Variants in MAGI2 observed in about 807,000 individuals in gnomAD.
MAGI2 encodes the protein membrane associated guanylate kinase, WW and PDZ domain containing 2, also known as membrane-associated guanylate kinase, WW and PDZ domain-containing protein 2.
MAGI2 carries 35 observed loss-of-function variants against 133.3 expected under a neutral mutation model. The observed-to-expected ratio is 0.26, with a 90% confidence interval of 0.20 to 0.35. The LOEUF is 0.35. Among genes scored for constraint, MAGI2 ranks in the 10% least tolerant of loss-of-function variants. The pLI is 1.00. For synonymous variants in MAGI2, 729 were observed against 710.6 expected (o/e 1.03, Z -0.41); for missense variants, 1,636 against 1,863.4 (o/e 0.88, Z 2.25).
chr7:78,399,840 AC>A (rs1344575614), intron 6 of MAGI2, among the ~76,000 whole-genome samples: 3 of 147,738 alleles, frequency 2.0e-5, no homozygotes, highest in Non-Finnish European at 4.5e-5. Flanking sequence ...CATAACATTT[AC>A]CATGGATAAA....
intron 21 of MAGI2, among the ~76,000 whole-genome samples, chr7:78,077,623 T>G (rs946855217): frequency 6.6e-6 from 1 of 152,008 alleles, no homozygotes; most frequent in African/African-American, 2.4e-5. Context: ...ATATTTCATT[T>G]GAACTCAGGG....
intron 2 of MAGI2, among the ~76,000 whole-genome samples, chr7:78,697,606 C>CA (rs1443320178): frequency 1.3e-5 from 2 of 151,950 alleles, no homozygotes; most frequent in Non-Finnish European, 2.9e-5. Context: ...AATAGCAATA[C>CA]AAAAAAAGAT....
intron 6 of MAGI2, among the ~76,000 whole-genome samples, chr7:78,398,990 A>T (rs1372663398): frequency 6.6e-6 from 1 of 152,152 alleles, no homozygotes; most frequent in African/African-American, 2.4e-5. Context: ...TCATCTCCTG[A>T]TACCAGGCAA....
intron 2 of MAGI2, among the ~76,000 whole-genome samples, chr7:78,713,828 C>T (rs955213283): frequency 3.3e-5 from 5 of 152,072 alleles, no homozygotes; most frequent in Non-Finnish European, 7.4e-5. Context: ...TTTTACCTCA[C>T]GTATTCTCAA....
At chr7:79,413,141 T>C (rs1213319486) in intron 1 of MAGI2, 2 of 152,166 alleles carry the variant, frequency 1.3e-5, no homozygotes, top group East Asian at 1.9e-4. Context: ...TTCATGCTCA[T>C]GCAAAGGATG....
chr7:79,125,997 A>G (rs147778095), intron 1 of MAGI2, among the ~76,000 whole-genome samples: 1 of 152,366 alleles, frequency 6.6e-6, no homozygotes, highest in Non-Finnish European at 1.5e-5. Context: ...TAAGGGCTGT[A>G]TTTGTGGCTA....
chr7:79,145,399 T>C (rs1822524183), intron 1 of MAGI2, among the ~76,000 whole-genome samples: 1 of 152,202 alleles, frequency 6.6e-6, no homozygotes, highest in Non-Finnish European at 1.5e-5. Flanking sequence ...AATAATAGTC[T>C]GTTGATTTGG....
At chr7:78,917,013 G>A (rs1441849345) in intron 2 of MAGI2, among the ~76,000 whole-genome samples, 1 of 152,108 alleles carries the variant, frequency 6.6e-6, no homozygotes, top group Non-Finnish European at 1.5e-5. Flanking sequence ...AGGAGGTAAA[G>A]AGAGATACCC....
At chr7:79,116,672 G>A (rs937824045) in intron 1 of MAGI2, among the ~76,000 whole-genome samples, 1 of 152,076 alleles carries the variant, frequency 6.6e-6, no homozygotes, top group Non-Finnish European at 1.5e-5. Flanking sequence ...TGGTGGGAGG[G>A]TATTGGATCA....
At chr7:78,989,161 A>G (rs928428171) in intron 2 of MAGI2, among the ~76,000 whole-genome samples, 1 of 152,006 alleles carries the variant, frequency 6.6e-6, no homozygotes, top group East Asian at 1.9e-4. Context: ...TGCTAATTAC[A>G]TTGTCTAACA....
At chr7:79,447,375 A>G (rs1848929139) in intron 1 of MAGI2, among the ~76,000 whole-genome samples, 1 of 152,160 alleles carries the variant, frequency 6.6e-6, no homozygotes, top group Non-Finnish European at 1.5e-5. Flanking sequence ...AGTAAGTAAT[A>G]ATAAAGTCAC....
chr7:78,899,724 AGT>A (rs887726271), intron 2 of MAGI2, among the ~76,000 whole-genome samples: 1 of 152,106 alleles, frequency 6.6e-6, no homozygotes, highest in African/African-American at 2.4e-5. Context: ...AGTGGGGCTG[AGT>A]GTATTTTAAA....
At chr7:79,200,420 T>C (rs1020542456) in intron 1 of MAGI2, among the ~76,000 whole-genome samples, 4 of 148,984 alleles carry the variant, frequency 2.7e-5, no homozygotes, top group Non-Finnish European at 5.9e-5. Flanking sequence ...CTGGGCAACA[T>C]GGCGAAACCC....
intron 7 of MAGI2, among the ~76,000 whole-genome samples, chr7:78,365,698 C>A (rs950692585): frequency 6.6e-6 from 1 of 152,124 alleles, no homozygotes; most frequent in Non-Finnish European, 1.5e-5. Flanking sequence ...ATATATTAAA[C>A]CTACAATCTT....
chr7:78,108,004 C>A (rs1436683399), intron 20 of MAGI2, among the ~76,000 whole-genome samples: 1 of 151,204 alleles, frequency 6.6e-6, no homozygotes, highest in African/African-American at 2.4e-5. Flanking sequence ...TATTTCCTTT[C>A]TTCTACTAAT....
chr7:78,866,175 G>A (rs1306285204), intron 2 of MAGI2, among the ~76,000 whole-genome samples: 1 of 152,160 alleles, frequency 6.6e-6, no homozygotes, highest in Non-Finnish European at 1.5e-5. Flanking sequence ...ACTTTTCCCT[G>A]CTTGTGCTAA....
intron 1 of MAGI2, among the ~76,000 whole-genome samples, chr7:79,368,917 G>T (rs1585731843): frequency 7.8e-6 from 1 of 128,578 alleles, no homozygotes; most frequent in Admixed American, 7.8e-5. Flanking sequence ...CCACAAAATA[G>T]AAAGTGCTAC....
intron 2 of MAGI2, among the ~76,000 whole-genome samples, chr7:78,819,538 A>G (rs1210906237): frequency 6.6e-6 from 1 of 152,036 alleles, no homozygotes; most frequent in African/African-American, 2.4e-5. Context: ...CACATTTTTA[A>G]AAATTGAAAC....
chr7:78,580,149 G>C (rs1397918680), intron 3 of MAGI2, among the ~76,000 whole-genome samples: 1 of 152,048 alleles, frequency 6.6e-6, no homozygotes, highest in Non-Finnish European at 1.5e-5. Flanking sequence ...ATGATGAGAT[G>C]CTCCTCAAAA....
Sources: allele counts gnomAD v4.1 joint callset (sites outside exome capture counted in the v4.1 genomes callset), GRCh38; gene constraint gnomAD v4.1.1; transcripts MANE v1.5; gene names NCBI Gene and HGNC (gene_info 2026-07-23, HGNC 2026-07-21).